Variants in RHBDD1 observed in about 807,000 individuals in gnomAD.
RHBDD1 encodes the protein rhomboid domain containing 1.
RHBDD1 carries 38 observed loss-of-function variants against 36.3 expected under a neutral mutation model. The observed-to-expected ratio is 1.05, with a 90% confidence interval of 0.81 to 1.37. The LOEUF is 1.37. RHBDD1 is among the 40% of genes most tolerant of loss of function. RHBDD1 has a pLI of 0.00. For missense variants in RHBDD1, 393 were observed against 377.6 expected (o/e 1.04, Z -0.34); for synonymous variants, 151 against 136.5 (o/e 1.11, Z -0.74).
chr2:226,921,149 G>C (rs893068489), intron 8 of RHBDD1, among the ~76,000 whole-genome samples: 21 of 152,112 alleles, frequency 1.4e-4, no homozygotes, highest in African/African-American at 4.6e-4. Flanking sequence ...TTGGCATACA[G>C]TTGCTCATAG....
intron 3 of RHBDD1, among the ~76,000 whole-genome samples, chr2:226,853,067 C>T (rs1942984436): frequency 6.6e-6 from 1 of 151,870 alleles, no homozygotes. Context: ...CTGAGCCAAG[C>T]CTGCAGATTT....
intron 1 of RHBDD1, among the ~76,000 whole-genome samples, chr2:226,837,164 A>G (rs1308148553): frequency 6.6e-6 from 1 of 152,256 alleles, no homozygotes; most frequent in Non-Finnish European, 1.5e-5. Context: ...CTAGATGGAA[A>G]AACTTGGACA....
At chr2:226,932,696 G>C (rs1194135024) in intron 8 of RHBDD1, among the ~76,000 whole-genome samples, 1 of 151,952 alleles carries the variant, frequency 6.6e-6, no homozygotes, top group Non-Finnish European at 1.5e-5. Context: ...GGCAAGTTAT[G>C]GGTATGTCCT....
intron 8 of RHBDD1, among the ~76,000 whole-genome samples, chr2:226,987,714 A>G (rs1957311696): frequency 1.3e-5 from 2 of 152,196 alleles, no homozygotes; most frequent in South Asian, 4.1e-4. Flanking sequence ...TGGACCCCAG[A>G]TATGAACCCA....
At chr2:226,865,203 TG>T in intron 4 of RHBDD1, 77 bp downstream of exon 4, 1 of 1,133,772 alleles carries the variant, frequency 8.8e-7, no homozygotes, top group Non-Finnish European at 1.3e-6. Flanking sequence ...TTATGAAGTG[TG>T]GGTCCCTATC....
rs558257932 is a variant in RHBDD1, at chr2:226,864,627, C to T, written c.-67C>T. 28 of 1,309,000 alleles carry T rather than the reference C, an allele frequency of 2.1e-5. No homozygotes were observed. The highest frequency in any genetic ancestry group is 2.9e-5 in the Non-Finnish European group (27 of 926,142). The allele number at this position is 1,309,000 out of a possible 1,614,324, so 81.1% of individuals were successfully genotyped here. On this transcript the variant is annotated 5_prime_UTR_variant, in exon 4 of 9. Transcript: ENST00000392062. ...AGGTTCAGCCGTCTGTATATCTCCC[C>T]AGATACCTGAAACTGACCACCTGAG...
upstream of RHBDD1, among the ~76,000 whole-genome samples, chr2:226,834,418 G>A (rs1242144112): frequency 2.0e-5 from 3 of 152,208 alleles, no homozygotes; most frequent in Non-Finnish European, 4.4e-5. Flanking sequence ...TGAGCTTTTG[G>A]AGGAGTATAT....
At chr2:226,912,323 G>A (rs1274369894) in intron 7 of RHBDD1, among the ~76,000 whole-genome samples, 5 of 152,064 alleles carry the variant, frequency 3.3e-5, no homozygotes, top group African/African-American at 7.2e-5. Context: ...AAACAGAATC[G>A]CCATGTGACG....
intron 7 of RHBDD1, 113 bp downstream of exon 7, chr2:226,908,991 A>G: frequency 1.4e-6 from 1 of 704,924 alleles, no homozygotes; most frequent in East Asian, 2.8e-5. Flanking sequence ...GGTCATTCAC[A>G]TGTTGTGTAA....
chr2:226,805,401 C>T, the RHBDD1 span, among the ~76,000 whole-genome samples: 4 of 152,244 alleles, frequency 2.6e-5, no homozygotes, highest in African/African-American at 9.6e-5. Flanking sequence ...TTAGTAGATA[C>T]GGAGTTTCAC....
At chr2:226,923,675 A>G (rs763441482) in intron 8 of RHBDD1, among the ~76,000 whole-genome samples, 3 of 151,780 alleles carry the variant, frequency 2.0e-5, no homozygotes, top group Non-Finnish European at 2.9e-5. Flanking sequence ...TTTTAGGGCT[A>G]TTTTCTAGAT....
chr2:226,971,266 G>A (rs1303803357), intron 8 of RHBDD1, among the ~76,000 whole-genome samples: 1 of 152,176 alleles, frequency 6.6e-6, no homozygotes, highest in Non-Finnish European at 1.5e-5. Context: ...ATGCTTGTTG[G>A]TGAATGCCCA....
At chr2:226,891,395 A>G (rs1471642636) in intron 5 of RHBDD1, among the ~76,000 whole-genome samples, 2 of 152,240 alleles carry the variant, frequency 1.3e-5, no homozygotes, top group African/African-American at 4.8e-5. Context: ...CTAGTGAGGC[A>G]GAAATTACAG....
chr2:226,897,266 A>G (rs773722892), intron 5 of RHBDD1, among the ~76,000 whole-genome samples: 1 of 152,052 alleles, frequency 6.6e-6, no homozygotes, highest in African/African-American at 2.4e-5. Context: ...AGTTCTGGGT[A>G]AAGTAGACTT....
intron 8 of RHBDD1, among the ~76,000 whole-genome samples, chr2:226,928,676 GCAACAA>G (rs1055736821): frequency 6.6e-6 from 1 of 151,798 alleles, no homozygotes; most frequent in South Asian, 2.1e-4. Context: ...AACAGAAATT[GCAACAA>G]CAACAACAAC....
chr2:226,905,464 T>C (rs1222975818), intron 5 of RHBDD1, among the ~76,000 whole-genome samples: 1 of 152,124 alleles, frequency 6.6e-6, no homozygotes, highest in Admixed American at 6.5e-5. Flanking sequence ...ATGGAGGTAG[T>C]AGACGATGAG....
chr2:226,976,475 A>T (rs904945804), intron 8 of RHBDD1, among the ~76,000 whole-genome samples: 1 of 152,012 alleles, frequency 6.6e-6, no homozygotes, highest in Non-Finnish European at 1.5e-5. Context: ...ACGCCTCCTT[A>T]CCTGGAAACC....
intron 8 of RHBDD1, among the ~76,000 whole-genome samples, chr2:226,918,972 A>G (rs1055546315): frequency 4.6e-5 from 7 of 151,984 alleles, no homozygotes; most frequent in African/African-American, 1.7e-4. Context: ...CCTCGCAAGC[A>G]TTTGTTATTG....
intron 8 of RHBDD1, among the ~76,000 whole-genome samples, chr2:226,925,922 A>C (rs1044672461): frequency 6.6e-6 from 1 of 151,906 alleles, no homozygotes; most frequent in Admixed American, 6.6e-5. Flanking sequence ...TTGAATGTAG[A>C]GTTTGTGTGT....
Sources: gnomAD v4.1 joint callset for allele counts (sites outside exome capture counted in the v4.1 genomes callset) on GRCh38, gnomAD v4.1.1 for gene constraint, MANE v1.5 for transcripts, NCBI Gene and HGNC (gene_info 2026-07-23, HGNC 2026-07-21) for gene names.